Variants in RFX3 observed in about 807,000 individuals in gnomAD.
RFX3 encodes the protein regulatory factor X3.
A neutral mutation model predicts 98.6 loss-of-function variants in RFX3; 14 were observed. The ratio of observed to expected loss-of-function variants is 0.14; its 90% confidence interval spans 0.09 to 0.22. RFX3 has a LOEUF of 0.22. Ranked by LOEUF, RFX3 falls within the 10% of genes least tolerant of loss-of-function variation. The pLI is 1.00. For missense variants in RFX3, 639 were observed against 926.9 expected (o/e 0.69, Z 4.03); for synonymous variants, 383 against 328.4 (o/e 1.17, Z -1.80).
rs185586576 is a variant in RFX3, at chr9:3,234,413, C to T, written c.1969-5524G>A. Among the ~76,000 whole-genome samples, 28 of 152,216 alleles carry T rather than the reference C, an allele frequency of 1.8e-4. No homozygotes were observed. The Middle Eastern group carries it at 0.01, about 55-fold the overall frequency. ...TAGCACTTTGGGAAGCACAGGTGTG[C>T]GTATTGCTTAAGCCCAGGAGTTTGA... On this transcript the variant is annotated intron_variant, in intron 15 of 16. Transcript: ENST00000617270.
intron 1 of RFX3, among the ~76,000 whole-genome samples, chr9:3,506,576 G>A (rs755063080): frequency 1.3e-5 from 2 of 151,852 alleles, no homozygotes; most frequent in Non-Finnish European, 2.9e-5. Flanking sequence ...ATAAGGTATA[G>A]AATCCTTAAA....
chr9:3,306,912 T>G (rs1440167755), intron 4 of RFX3, among the ~76,000 whole-genome samples: 1 of 152,014 alleles, frequency 6.6e-6, no homozygotes, highest in Non-Finnish European at 1.5e-5. Flanking sequence ...CCCACACAAA[T>G]CTAATCTTGT....
intron 4 of RFX3, among the ~76,000 whole-genome samples, chr9:3,308,176 A>G (rs541502361): frequency 2.6e-5 from 4 of 152,254 alleles, no homozygotes; most frequent in East Asian, 1.9e-4. Context: ...CCTCCTCCCT[A>G]TGATTATCTA....
rs1223095667 is a variant in RFX3, at chr9:3,224,027, T to C, written c.*1015A>G. ...AAGGAAATAACGTTATGTAGGTTGC[T>C]ACATTCCTTGCATTCTATAAATTCT... On this transcript the variant is annotated 3_prime_UTR_variant, in exon 17 of 17. Coordinates refer to ENST00000617270, the MANE Select transcript of RFX3 (RefSeq NM_001282116.2). 1 of 152,236 alleles carries C rather than the reference T, an allele frequency of 6.6e-6. No homozygotes were observed. Among genetic ancestry groups the C allele is most frequent in the African/African-American group, 2.4e-5 (1 of 41,472 alleles). 9.4% of individuals were successfully genotyped at this position (152,236 alleles called of 1,614,324 possible).
At chr9:3,409,515 A>G (rs1241933384) in intron 1 of RFX3, among the ~76,000 whole-genome samples, 1 of 152,204 alleles carries the variant, frequency 6.6e-6, no homozygotes, top group Non-Finnish European at 1.5e-5. Flanking sequence ...AATTTCAAAA[A>G]CTTTTGCAGC....
intron 2 of RFX3, among the ~76,000 whole-genome samples, chr9:3,359,561 T>A (rs1205082586): frequency 6.6e-6 from 1 of 152,050 alleles, no homozygotes; most frequent in East Asian, 1.9e-4. Context: ...TTCCAGCCCA[T>A]CCCTAGCCCT....
At chr9:3,234,111 G>C (rs185558319) in intron 15 of RFX3, among the ~76,000 whole-genome samples, 46 of 152,178 alleles carry the variant, frequency 3.0e-4, no homozygotes, top group Admixed American at 2.1e-3. Context: ...ATATCACTAT[G>C]TTAACTATCA....
chr9:3,338,814 G>C (rs188273109), intron 3 of RFX3, among the ~76,000 whole-genome samples: 74 of 152,284 alleles, frequency 4.9e-4, no homozygotes, highest in African/African-American at 1.8e-3. Flanking sequence ...TCTAGGCCAG[G>C]CACGGTGGCT....
chr9:3,249,318 T>C lies in RFX3; in HGVS notation c.1815-1133A>G, dbSNP rs146593577. On this transcript the variant is annotated intron_variant, in intron 14 of 16. Coordinates refer to ENST00000617270, the MANE Select transcript of RFX3 (RefSeq NM_001282116.2). ...CAACTTGGCAAGTGACAGATCATCA[T>C]TGTCCATCTGAAACACAGAAGCCTT... 8.9e-3 allele frequency among the ~76,000 whole-genome samples: 1,351 copies of C among 152,310 alleles called. 6 individuals are homozygous for C. The highest frequency in any genetic ancestry group is 0.011 in the African/African-American group (449 of 41,580).
At chr9:3,420,144 A>G (rs1843319734) in intron 1 of RFX3, among the ~76,000 whole-genome samples, 1 of 152,190 alleles carries the variant, frequency 6.6e-6, no homozygotes, top group South Asian at 2.1e-4. Context: ...GCCAGCGTAC[A>G]TTAAAGCTCT....
intron 2 of RFX3, among the ~76,000 whole-genome samples, chr9:3,393,575 T>G (rs1239635487): frequency 6.8e-6 from 1 of 147,168 alleles, no homozygotes. Context: ...GTTATAACAA[T>G]GTCTGAATTG....
intron 1 of RFX3, among the ~76,000 whole-genome samples, chr9:3,445,445 C>T (rs139837723): frequency 1.3e-5 from 2 of 152,082 alleles, no homozygotes; most frequent in Non-Finnish European, 2.9e-5. Flanking sequence ...TGAAATATCT[C>T]AGGGTGAGTG....
At chr9:3,273,497 A>C (rs1824782554) in intron 9 of RFX3, among the ~76,000 whole-genome samples, 1 of 152,166 alleles carries the variant, frequency 6.6e-6, no homozygotes, top group Non-Finnish European at 1.5e-5. Flanking sequence ...GAATAATCTT[A>C]CTGTATGTTT....
intron 3 of RFX3, among the ~76,000 whole-genome samples, chr9:3,333,795 T>A (rs1032734364): frequency 8.5e-5 from 13 of 152,138 alleles, no homozygotes; most frequent in African/African-American, 3.1e-4. Context: ...GCAGGATGAT[T>A]CAGGATGCCC....
At chr9:3,423,582 A>G (rs1442142838) in intron 1 of RFX3, among the ~76,000 whole-genome samples, 1 of 151,808 alleles carries the variant, frequency 6.6e-6, no homozygotes, top group African/African-American at 2.4e-5. Flanking sequence ...GAAAACAGAA[A>G]TCTCATCTAG....
chr9:3,421,121 G>A (rs984281030), intron 1 of RFX3, among the ~76,000 whole-genome samples: 3 of 151,640 alleles, frequency 2.0e-5, no homozygotes, highest in Non-Finnish European at 2.9e-5. Context: ...TTCAGTGACT[G>A]AGCCAGAACA....
intron 2 of RFX3, among the ~76,000 whole-genome samples, chr9:3,373,742 A>C (rs1416904874): frequency 1.3e-5 from 2 of 152,090 alleles, no homozygotes; most frequent in African/African-American, 4.8e-5. Context: ...GAGAAGGCGA[A>C]AGATTAGGAA....
intron 1 of RFX3, among the ~76,000 whole-genome samples, chr9:3,476,717 T>C (rs1425052391): frequency 1.3e-5 from 2 of 152,222 alleles, no homozygotes; most frequent in South Asian, 2.1e-4. Flanking sequence ...AGTTGTGTTT[T>C]AAATAACTGG....
chr9:3,448,064 A>G (rs1407633387), intron 1 of RFX3, among the ~76,000 whole-genome samples: 1 of 152,090 alleles, frequency 6.6e-6, no homozygotes, highest in Non-Finnish European at 1.5e-5. Flanking sequence ...GCAAGAATAA[A>G]TCATGCTTTT....
Sources: allele counts gnomAD v4.1 joint callset (sites outside exome capture counted in the v4.1 genomes callset), GRCh38; gene constraint gnomAD v4.1.1; transcripts MANE v1.5; gene names NCBI Gene and HGNC (gene_info 2026-07-23, HGNC 2026-07-21).